MSRB3: variants seen among roughly 807,000 people sequenced by gnomAD.
MSRB3 encodes the protein methionine-R-sulfoxide reductase B3.
MSRB3 carries 13 observed loss-of-function variants against 21.0 expected under a neutral mutation model. The ratio of observed to expected loss-of-function variants is 0.62; its 90% CI spans 0.40 to 0.98. The LOEUF (loss-of-function observed/expected upper bound fraction) is 0.98. Among genes scored for constraint, MSRB3 ranks in the 50% least tolerant of loss-of-function variants. MSRB3 has a pLI of 0.00. For missense variants in MSRB3, 199 were observed against 230.3 expected (o/e 0.86, Z 0.88); for synonymous variants, 87 against 88.6 (o/e 0.98, Z 0.10).
chr12:65,442,118 T>C (rs1043658760), intron 5 of MSRB3, among the ~76,000 whole-genome samples: 1 of 152,014 alleles, frequency 6.6e-6, no homozygotes, highest in Non-Finnish European at 1.5e-5. Context: ...AGAAGATTTA[T>C]GAAAACAGGG....
intron 2 of MSRB3, among the ~76,000 whole-genome samples, chr12:65,322,863 TA>T (rs1187285553): frequency 6.6e-6 from 1 of 152,088 alleles, no homozygotes; most frequent in East Asian, 1.9e-4. Flanking sequence ...AGATTAAATG[TA>T]TTTATGTGAA....
chr12:65,336,883 A>G (rs1369255660), intron 4 of MSRB3, among the ~76,000 whole-genome samples: 1 of 152,252 alleles, frequency 6.6e-6, no homozygotes, highest in East Asian at 1.9e-4. Flanking sequence ...AGAACCCATC[A>G]CATAACATTG....
intron 5 of MSRB3, among the ~76,000 whole-genome samples, chr12:65,442,134 C>T (rs896321728): frequency 3.9e-5 from 6 of 151,934 alleles, no homozygotes; most frequent in Non-Finnish European, 2.9e-5. Flanking sequence ...CAGGGAAATT[C>T]AGGTTTAGCA....
intron 4 of MSRB3, among the ~76,000 whole-genome samples, chr12:65,341,418 G>T (rs1189723481): frequency 9.9e-5 from 15 of 151,984 alleles, no homozygotes; most frequent in Admixed American, 7.9e-4. Flanking sequence ...TGGAACAGTT[G>T]GGGGGAAGGG....
chr12:65,419,367 T>A, intron 5 of MSRB3: 1 of 755,104 alleles, frequency 1.3e-6, no homozygotes, highest in East Asian at 2.4e-5. Flanking sequence ...TTACTTCCTC[T>A]TCATGGTTCT....
At chr12:65,402,858 C>T (rs1442733891) in intron 5 of MSRB3, among the ~76,000 whole-genome samples, 1 of 152,200 alleles carries the variant, frequency 6.6e-6, no homozygotes, top group Non-Finnish European at 1.5e-5. Flanking sequence ...AACATTCAGG[C>T]TCCTCTGCTG....
At chr12:65,420,665 T>C (rs1881244765) in intron 5 of MSRB3, among the ~76,000 whole-genome samples, 1 of 152,110 alleles carries the variant, frequency 6.6e-6, no homozygotes, top group Non-Finnish European at 1.5e-5. Context: ...TGTCTGTTGT[T>C]TCTCTCTTTG....
At chr12:65,363,324 A>G (rs1157288496) in intron 4 of MSRB3, among the ~76,000 whole-genome samples, 2 of 152,302 alleles carry the variant, frequency 1.3e-5, no homozygotes, top group Non-Finnish European at 2.9e-5. Context: ...TTTGGCTTCA[A>G]TACACATAGA....
intron 1 of MSRB3, chr12:65,279,194 A>T: frequency 1.6e-6 from 1 of 644,512 alleles, no homozygotes; most frequent in Non-Finnish European, 2.2e-6. Flanking sequence ...GGCCCAGGAG[A>T]GAGGGATCTG....
intron 2 of MSRB3, among the ~76,000 whole-genome samples, chr12:65,315,673 C>A (rs1250007117): frequency 1.1e-3 from 88 of 82,278 alleles, no homozygotes; most frequent in African/African-American, 1.4e-3. Flanking sequence ...GTCTCCATCT[C>A]AAAAAAAAAA....
chr12:65,332,664 T>C (rs1875507315), intron 4 of MSRB3, among the ~76,000 whole-genome samples: 1 of 152,188 alleles, frequency 6.6e-6, no homozygotes, highest in Non-Finnish European at 1.5e-5. Flanking sequence ...TTTCCCCCAC[T>C]GCTATTTCTG....
At chr12:65,329,447 C>T (rs1028135891) in intron 4 of MSRB3, among the ~76,000 whole-genome samples, 7 of 151,838 alleles carry the variant, frequency 4.6e-5, no homozygotes, top group East Asian at 1.9e-4. Context: ...GTCAGGAGTT[C>T]GAGATTAGCC....
intron 5 of MSRB3, among the ~76,000 whole-genome samples, chr12:65,446,761 G>A (rs1882637601): frequency 6.6e-6 from 1 of 152,168 alleles, no homozygotes. Flanking sequence ...ATGCATTAAT[G>A]GGTGTGACCA....
intron 5 of MSRB3, among the ~76,000 whole-genome samples, chr12:65,432,021 A>G (rs1166693629): frequency 6.6e-6 from 1 of 152,014 alleles, no homozygotes; most frequent in Non-Finnish European, 1.5e-5. Context: ...TTCTTTAAGA[A>G]CAAATCTAAA....
intron 5 of MSRB3, among the ~76,000 whole-genome samples, chr12:65,422,409 TATATATATATATATATATA>T (rs1881359403): frequency 2.1e-4 from 8 of 37,260 alleles, no homozygotes; most frequent in Non-Finnish European, 3.4e-4. Context: ...TATATATATA[TATATATATATATATATATA>T]TATTTATTTA....
chr12:65,324,047 T>A (rs1183603909), intron 2 of MSRB3, among the ~76,000 whole-genome samples: 2 of 152,168 alleles, frequency 1.3e-5, no homozygotes, highest in African/African-American at 2.4e-5. Flanking sequence ...AACCAAAGAA[T>A]GAAAATGTAC....
intron 5 of MSRB3, among the ~76,000 whole-genome samples, chr12:65,399,050 A>G (rs1052451064): frequency 5.3e-5 from 8 of 152,158 alleles, no homozygotes; most frequent in African/African-American, 1.9e-4. Context: ...TGATGCCTCC[A>G]GCTTTGTTCT....
chr12:65,453,234 G>T (rs376129557), intron 5 of MSRB3, among the ~76,000 whole-genome samples: 13 of 152,142 alleles, frequency 8.5e-5, no homozygotes, highest in African/African-American at 2.7e-4. Flanking sequence ...GTGACAACAG[G>T]ATAGTCGTTT....
At chr12:65,419,211 G>C (rs1881144116) in intron 5 of MSRB3, 1 of 713,688 alleles carries the variant, frequency 1.4e-6, no homozygotes, top group Non-Finnish European at 2.6e-6. Flanking sequence ...GCTGAGACCA[G>C]TATTTGTCCA....
Sources: allele counts gnomAD v4.1 joint callset (sites outside exome capture counted in the v4.1 genomes callset), GRCh38; gene constraint gnomAD v4.1.1; transcripts MANE v1.5; gene names NCBI Gene and HGNC (gene_info 2026-07-23, HGNC 2026-07-21).